MBOAT2: variants seen among roughly 807,000 people sequenced by gnomAD.
MBOAT2 encodes membrane bound glycerophospholipid O-acyltransferase 2, also known as membrane-bound glycerophospholipid O-acyltransferase 2.
A neutral mutation model predicts 63.4 loss-of-function variants in MBOAT2; 28 were observed. The observed-to-expected ratio is 0.44, with a 90% CI of 0.33 to 0.61. The LOEUF (loss-of-function observed/expected upper bound fraction) is 0.61, where lower values mean the gene tolerates loss of function less well. MBOAT2 is among the 20% of genes least tolerant of loss of function. The probability of loss-of-function intolerance (pLI) is 0.03; values close to 1 mark genes in which losing one functional copy is unlikely to be tolerated. For missense variants in MBOAT2, 470 were observed against 605.8 expected (o/e 0.78, Z 2.35); for synonymous variants, 211 against 215.6 (o/e 0.98, Z 0.19).
chr2:8,870,965 A>G (rs960641204), intron 8 of MBOAT2, among the ~76,000 whole-genome samples: 1 of 152,144 alleles, frequency 6.6e-6, no homozygotes, highest in Non-Finnish European at 1.5e-5. Context: ...TTTAATTGTC[A>G]TAATTGCAAA....
chr2:8,859,908 G>C (rs539145735), intron 12 of MBOAT2, among the ~76,000 whole-genome samples: 2 of 152,192 alleles, frequency 1.3e-5, no homozygotes, highest in Non-Finnish European at 2.9e-5. Context: ...CCTTAGGCTG[G>C]GTGTGGTGGC....
rs867715457 is a variant in MBOAT2 at position 8,853,921 on chromosome 2, T to C, written c.*4758A>G. ...CAGTTCTTTATTGGGATTTGCATAA[T>C]GTTAAAAAACCTATTAAAATAAATA... On this transcript the variant is annotated 3_prime_UTR_variant, in exon 13 of 13. Coordinates refer to ENST00000305997, the MANE Select transcript of MBOAT2 (RefSeq NM_138799.4). 6.6e-6 allele frequency: 1 copy of C among 152,188 alleles called. No individual in the cohort carries two copies. Among genetic ancestry groups the C allele is most frequent in the Non-Finnish European group, 1.5e-5 (1 of 68,024 alleles). The allele number at this position is 152,188 out of a possible 1,614,324, so 9.4% of individuals were successfully genotyped here.
At chr2:8,966,450 T>C (rs1669990617) in intron 1 of MBOAT2, among the ~76,000 whole-genome samples, 1 of 152,224 alleles carries the variant, frequency 6.6e-6, no homozygotes, top group Admixed American at 6.5e-5. Flanking sequence ...TAGAAACAGA[T>C]TATTGGATTC....
chr2:8,970,089 A>G (rs956132551), intron 1 of MBOAT2, among the ~76,000 whole-genome samples: 1 of 152,178 alleles, frequency 6.6e-6, no homozygotes, highest in African/African-American at 2.4e-5. Context: ...ACCACATCAC[A>G]CTTATTCCAA....
At chr2:8,973,838 G>A (rs1052925068) in intron 1 of MBOAT2, among the ~76,000 whole-genome samples, 14 of 152,136 alleles carry the variant, frequency 9.2e-5, no homozygotes, top group African/African-American at 3.4e-4. Context: ...AAGGAAACAG[G>A]CACACTAAAC....
intron 5 of MBOAT2, among the ~76,000 whole-genome samples, chr2:8,884,791 G>T (rs892083616): frequency 1.3e-5 from 2 of 152,176 alleles, no homozygotes; most frequent in African/African-American, 2.4e-5. Flanking sequence ...GAGTTGCATA[G>T]AACAAACTTG....
chr2:8,879,453 T>C (rs1013684601), intron 6 of MBOAT2, among the ~76,000 whole-genome samples: 2 of 152,244 alleles, frequency 1.3e-5, no homozygotes, highest in South Asian at 2.1e-4. Context: ...ACTGTATTTA[T>C]TTATAAAATG....
chr2:8,879,847 T>A (rs923297683), intron 6 of MBOAT2, among the ~76,000 whole-genome samples: 10 of 152,134 alleles, frequency 6.6e-5, no homozygotes, highest in African/African-American at 2.4e-4. Context: ...TTAAAACAAA[T>A]GTCTTGTATA....
At chr2:8,974,669 C>CTA (rs1400458149) in intron 1 of MBOAT2, among the ~76,000 whole-genome samples, 1 of 152,116 alleles carries the variant, frequency 6.6e-6, no homozygotes, top group African/African-American at 2.4e-5. Flanking sequence ...CATTATGTAC[C>CTA]TATCTCCCTT....
chr2:8,966,820 T>C (rs1475159916), intron 1 of MBOAT2, among the ~76,000 whole-genome samples: 1 of 152,158 alleles, frequency 6.6e-6, no homozygotes, highest in Non-Finnish European at 1.5e-5. Flanking sequence ...GGATTGAAAA[T>C]AGTCCTACCC....
chr2:8,865,893 C>T (rs1023396049), intron 9 of MBOAT2, among the ~76,000 whole-genome samples: 2 of 152,222 alleles, frequency 1.3e-5, no homozygotes, highest in Admixed American at 1.3e-4. Flanking sequence ...AAACATTGGC[C>T]GGGCGTGGTG....
At chr2:8,886,143 C>T (rs939301924) in intron 5 of MBOAT2, among the ~76,000 whole-genome samples, 4 of 152,204 alleles carry the variant, frequency 2.6e-5, no homozygotes, top group Admixed American at 2.0e-4. Flanking sequence ...CCAGTAAAAA[C>T]TTTGGGTGCT....
chr2:8,871,572 C>T (rs1023405075), intron 8 of MBOAT2, among the ~76,000 whole-genome samples: 11 of 152,240 alleles, frequency 7.2e-5, no homozygotes, highest in East Asian at 1.9e-4. Flanking sequence ...GAATTTAATT[C>T]GGTATTATTG....
chr2:8,864,640 G>A (rs182665443), intron 9 of MBOAT2, among the ~76,000 whole-genome samples: 36 of 151,850 alleles, frequency 2.4e-4, no homozygotes, highest in Admixed American at 1.0e-3. Context: ...CATCCACCGC[G>A]ACATCCTGCC....
chr2:8,988,773 AGAAT>A (rs1417742951), intron 1 of MBOAT2, among the ~76,000 whole-genome samples: 1 of 152,210 alleles, frequency 6.6e-6, no homozygotes, highest in Non-Finnish European at 1.5e-5. Context: ...ACATCCTGTG[AGAAT>A]GAATTAAAAG....
chr2:8,964,906 T>C (rs1302943187), intron 1 of MBOAT2, among the ~76,000 whole-genome samples: 1 of 152,236 alleles, frequency 6.6e-6, no homozygotes, highest in African/African-American at 2.4e-5. Flanking sequence ...TTGCCCATTA[T>C]TCTATCAGCT....
chr2:8,921,134 T>C (rs1164672870), intron 3 of MBOAT2, among the ~76,000 whole-genome samples: 1 of 152,236 alleles, frequency 6.6e-6, no homozygotes, highest in Non-Finnish European at 1.5e-5. Context: ...GTTTTAGCTA[T>C]GTCTCAGGCC....
At chr2:8,936,801 A>AAAAAG (rs1354969974) in intron 3 of MBOAT2, among the ~76,000 whole-genome samples, 5 of 149,310 alleles carry the variant, frequency 3.3e-5, no homozygotes, top group African/African-American at 1.3e-4. Context: ...AAAAAAAAAA[A>AAAAAG]AAAAGAAAAG....
chr2:8,976,562 T>C (rs1020392455), intron 1 of MBOAT2, among the ~76,000 whole-genome samples: 3 of 152,108 alleles, frequency 2.0e-5, no homozygotes, highest in African/African-American at 4.8e-5. Flanking sequence ...ATGGGCCTGC[T>C]TCCTCTCCAA....
Sources: gnomAD v4.1 joint callset for allele counts (sites outside exome capture counted in the v4.1 genomes callset) on GRCh38, gnomAD v4.1.1 for gene constraint, MANE v1.5 for transcripts, NCBI Gene and HGNC (gene_info 2026-07-23, HGNC 2026-07-21) for gene names.